Variants in TEX11 observed in about 807,000 individuals in gnomAD.
TEX11 encodes testis expressed 11.
TEX11 carries 7 observed loss-of-function variants against 84.4 expected under a neutral mutation model. The observed-to-expected ratio is 0.08, with a 90% CI of 0.05 to 0.16. The LOEUF (loss-of-function observed/expected upper bound fraction) is 0.16. Ranked by LOEUF, TEX11 falls within the 10% of genes least tolerant of loss-of-function variation. The probability of loss-of-function intolerance (pLI) is 1.00; values close to 1 mark genes in which losing one functional copy is unlikely to be tolerated. For synonymous variants in TEX11, 264 were observed against 222.8 expected, an observed-to-expected ratio of 1.18 and a Z score of -1.64; for missense variants, 551 against 660.5, an observed-to-expected ratio of 0.83 and a Z score of 1.82.
chrX:70,869,833 A>G (rs1224312975), intron 4 of TEX11, among the ~76,000 whole-genome samples: 1 of 111,583 alleles, frequency 9.0e-6, no homozygotes, highest in Non-Finnish European at 1.9e-5. Context: ...TGTGGGAAAT[A>G]TCTTAGTCTA....
intron 7 of TEX11, among the ~76,000 whole-genome samples, chrX:70,847,161 C>T (rs908672070): frequency 9.0e-6 from 1 of 111,298 alleles, no homozygotes; most frequent in Non-Finnish European, 1.9e-5. Context: ...TGCTCCCCTT[C>T]GACTTTTGGC....
At chrX:70,643,491 G>A (rs2089693158) in intron 17 of TEX11, among the ~76,000 whole-genome samples, 1 of 89,406 alleles carries the variant, frequency 1.1e-5, no homozygotes, top group Admixed American at 1.3e-4. Context: ...GAACAAAGCT[G>A]GAGGCATCAC....
intron 17 of TEX11, among the ~76,000 whole-genome samples, chrX:70,646,292 C>T (rs748145629): frequency 5.4e-5 from 6 of 111,891 alleles, no homozygotes; most frequent in Admixed American, 2.9e-4. Context: ...AAGATTTAAA[C>T]GTAAGACATG....
chrX:70,595,243 A>G (rs1188491931), intron 24 of TEX11, among the ~76,000 whole-genome samples: 1 of 110,199 alleles, frequency 9.1e-6, no homozygotes, highest in Non-Finnish European at 1.9e-5. Context: ...CACCATGCCC[A>G]GCTAATTTTG....
intron 7 of TEX11, among the ~76,000 whole-genome samples, chrX:70,848,563 T>C (rs888344303): frequency 1.6e-4 from 18 of 111,336 alleles, no homozygotes; most frequent in East Asian, 2.8e-4. Flanking sequence ...ATCACTCTTT[T>C]GATAGGATGG....
At chrX:70,593,087 ACACACACACG>A (rs1416513168) in intron 24 of TEX11, among the ~76,000 whole-genome samples, 2 of 104,085 alleles carry the variant, frequency 1.9e-5, no homozygotes, top group African/African-American at 7.0e-5. Flanking sequence ...ACACACACAC[ACACACACACG>A]CACACGCACA....
At chrX:70,882,479 C>T (rs1254499952) in intron 2 of TEX11, among the ~76,000 whole-genome samples, 1 of 110,574 alleles carries the variant, frequency 9.0e-6, no homozygotes. Flanking sequence ...CACCAATATA[C>T]GTTTTAAAAA....
chrX:70,697,429 T>C (rs749687595), intron 13 of TEX11, among the ~76,000 whole-genome samples: 1 of 111,719 alleles, frequency 9.0e-6, no homozygotes, highest in Non-Finnish European at 1.9e-5. Flanking sequence ...ATACCACATG[T>C]CACCTCTTGC....
At chrX:70,578,294 G>A (rs1410151586) in intron 25 of TEX11, among the ~76,000 whole-genome samples, 1 of 111,860 alleles carries the variant, frequency 8.9e-6, no homozygotes, top group African/African-American at 3.2e-5. Context: ...GCAATGACTG[G>A]GAATGTGATT....
chrX:70,853,847 G>A (rs997407855), intron 5 of TEX11, among the ~76,000 whole-genome samples: 1 of 111,912 alleles, frequency 8.9e-6, no homozygotes, highest in African/African-American at 3.2e-5. Flanking sequence ...CCCTGGATGC[G>A]AACAGTAGGA....
chrX:70,714,880 C>G (rs1225657945), intron 13 of TEX11, among the ~76,000 whole-genome samples: 6 of 111,440 alleles, frequency 5.4e-5, no homozygotes, highest in Non-Finnish European at 9.4e-5. Flanking sequence ...GCAGTTTCTT[C>G]CTAGCCTTGA....
chrX:70,837,881 A>G (rs1244046110), intron 7 of TEX11, among the ~76,000 whole-genome samples: 1 of 111,638 alleles, frequency 9.0e-6, no homozygotes, highest in Non-Finnish European at 1.9e-5. Context: ...ACATGTGCTG[A>G]AATTGTATAG....
intron 25 of TEX11, among the ~76,000 whole-genome samples, chrX:70,556,031 G>A (rs2088281766): frequency 9.0e-6 from 1 of 111,431 alleles, no homozygotes; most frequent in Non-Finnish European, 1.9e-5. Flanking sequence ...TGCCTGGCTA[G>A]AGGTTTATCA....
At chrX:70,852,031 A>G (rs1011774372) in intron 7 of TEX11, among the ~76,000 whole-genome samples, 4 of 112,036 alleles carry the variant, frequency 3.6e-5, no homozygotes, top group Non-Finnish European at 5.6e-5. Context: ...GGGGTGACAA[A>G]CATGTTTTAA....
At chrX:70,562,710 C>T (rs976944518) in intron 25 of TEX11, among the ~76,000 whole-genome samples, 1 of 111,979 alleles carries the variant, frequency 8.9e-6, no homozygotes, top group East Asian at 2.8e-4. Flanking sequence ...CTCTTTGTGG[C>T]ATATAGTTCT....
At chrX:70,791,828 G>A (rs1476807650) in intron 9 of TEX11, among the ~76,000 whole-genome samples, 1 of 111,573 alleles carries the variant, frequency 9.0e-6, no homozygotes, top group African/African-American at 3.3e-5. Context: ...TACACGACAT[G>A]CCAAAATCTC....
chrX:70,802,520 T>C (rs1474673311), intron 9 of TEX11, among the ~76,000 whole-genome samples: 1 of 111,473 alleles, frequency 9.0e-6, no homozygotes, highest in African/African-American at 3.3e-5. Flanking sequence ...TTGTCAATTA[T>C]ACCTCAACGA....
chrX:70,698,978 T>C (rs2090304219), intron 13 of TEX11, among the ~76,000 whole-genome samples: 1 of 111,868 alleles, frequency 8.9e-6, no homozygotes, highest in South Asian at 3.8e-4. Flanking sequence ...GAATCTAGAC[T>C]GGCTCTGTGA....
At chrX:70,840,636 C>A (rs2091437076) in intron 7 of TEX11, among the ~76,000 whole-genome samples, 1 of 110,909 alleles carries the variant, frequency 9.0e-6, no homozygotes, top group Admixed American at 9.6e-5. Flanking sequence ...ACAATATTAA[C>A]CTTAAATGTA....
Sources: gnomAD v4.1 joint callset for allele counts (sites outside exome capture counted in the v4.1 genomes callset) on GRCh38, gnomAD v4.1.1 for gene constraint, MANE v1.5 for transcripts, NCBI Gene and HGNC (gene_info 2026-07-23, HGNC 2026-07-21) for gene names.